Variants in COL5A2 observed in about 807,000 individuals in gnomAD.
COL5A2 encodes the protein collagen type V alpha 2 chain.
In COL5A2, 23 loss-of-function variants were observed where a neutral mutation model predicts 208.2. That is an observed-to-expected ratio of 0.11 (90% confidence interval 0.08 to 0.16). The LOEUF (loss-of-function observed/expected upper bound fraction) is 0.16. Among genes scored for constraint, COL5A2 ranks in the 10% least tolerant of loss-of-function variants. The probability of loss-of-function intolerance (pLI) is 1.00; values close to 1 mark genes in which losing one functional copy is unlikely to be tolerated. For missense variants in COL5A2, 1,590 were observed against 1,956.4 expected, an observed-to-expected ratio of 0.81 and a Z score of 3.53; for synonymous variants, 625 against 628.5, an observed-to-expected ratio of 0.99 and a Z score of 0.08.
In COL5A2 at chr2:189,034,008, G is replaced by A; in HGVS notation, c.*62C>T. The A allele has an allele frequency of 6.2e-7, 1 of 1,609,680 alleles. No homozygotes were observed. Among genetic ancestry groups the A allele is most frequent in the East Asian group, 2.2e-5 (1 of 44,842 alleles). On this transcript the variant is annotated 3_prime_UTR_variant, in exon 54 of 54. Coordinates refer to ENST00000374866, the MANE Select transcript of COL5A2 (RefSeq NM_000393.5). ...TCAGGATCAACTTCAAACAGTCAAAGTTCTTGTGAATGGCGGTGGTCATTG... is the reference window on the plus strand; with the variant it reads ...TCAGGATCAACTTCAAACAGTCAAAATTCTTGTGAATGGCGGTGGTCATTG...
upstream of COL5A2, among the ~76,000 whole-genome samples, chr2:189,181,432 A>G (rs557669575): frequency 6.6e-6 from 1 of 152,228 alleles, no homozygotes; most frequent in African/African-American, 2.4e-5. Context: ...TCTTTCTAGA[A>G]TATCTTAGAG....
intron 6 of COL5A2, 56 bp downstream of exon 6, chr2:189,097,221 A>T: frequency 6.5e-7 from 1 of 1,542,316 alleles, no homozygotes; most frequent in Non-Finnish European, 9.0e-7. Flanking sequence ...TTCAGAGAAC[A>T]CAGTGTAAAC....
At chr2:189,128,174 T>C (rs16831116) in intron 1 of COL5A2, among the ~76,000 whole-genome samples, 4,001 of 152,154 alleles carry the variant, frequency 0.026, 192 homozygotes, top group African/African-American at 0.092. Context: ...AAGCTAATTA[T>C]AAGGCACCTT....
chr2:189,120,098 G>A (rs974606102), intron 1 of COL5A2, among the ~76,000 whole-genome samples: 3 of 152,054 alleles, frequency 2.0e-5, no homozygotes, highest in Non-Finnish European at 4.4e-5. Flanking sequence ...TATTTATCTA[G>A]CAAATATAAT....
At chr2:189,270,738 T>C in the COL5A2 span, among the ~76,000 whole-genome samples, 1 of 152,164 alleles carries the variant, frequency 6.6e-6, no homozygotes, top group Non-Finnish European at 1.5e-5. Flanking sequence ...GCAGATGACA[T>C]GATTGTATAT....
At chr2:189,392,637 A>G in the COL5A2 span, among the ~76,000 whole-genome samples, 1 of 152,166 alleles carries the variant, frequency 6.6e-6, no homozygotes, top group African/African-American at 2.4e-5. Context: ...TAAAAAGCTT[A>G]GTCCCAGCCT....
the COL5A2 span, among the ~76,000 whole-genome samples, chr2:189,289,928 C>T: frequency 6.6e-5 from 10 of 152,116 alleles, no homozygotes; most frequent in South Asian, 2.1e-4. Flanking sequence ...ACAGATTCAA[C>T]GCAATCCCTA....
chr2:189,289,444 A>G, the COL5A2 span, among the ~76,000 whole-genome samples: 1 of 152,206 alleles, frequency 6.6e-6, no homozygotes, highest in Non-Finnish European at 1.5e-5. Context: ...AATTGTGAAA[A>G]GATGAAAGCT....
chr2:189,261,093 C>G, the COL5A2 span, among the ~76,000 whole-genome samples: 1 of 152,064 alleles, frequency 6.6e-6, no homozygotes, highest in Non-Finnish European at 1.5e-5. Context: ...TTCACCCAAA[C>G]TTTTCCATAA....
the COL5A2 span, among the ~76,000 whole-genome samples, chr2:189,276,860 A>C: frequency 6.6e-6 from 1 of 152,092 alleles, no homozygotes; most frequent in Non-Finnish European, 1.5e-5. Flanking sequence ...ATATTACTTA[A>C]ACTTCCTGCT....
Position 189,081,050 on chromosome 2 carries a change from G to T in COL5A2, c.853-7C>A. The T allele has an allele frequency of 6.2e-7, 1 of 1,612,566 alleles. No individual in the cohort carries two copies. The highest frequency in any genetic ancestry group is 8.5e-7 in the Non-Finnish European group (1 of 1,178,790). Reference sequence around the variant, plus strand: ...CAGGAAATCCACGAGCTCCCTGGGAGGAAAACATAGATAGGGCATTTTACA... The same window carrying T: ...CAGGAAATCCACGAGCTCCCTGGGATGAAAACATAGATAGGGCATTTTACA... On this transcript the variant is annotated splice_region_variant and splice_polypyrimidine_tract_variant and intron_variant, in intron 12 of 53. Transcript: ENST00000374866.
At chr2:189,374,324 G>A in the COL5A2 span, among the ~76,000 whole-genome samples, 1 of 150,038 alleles carries the variant, frequency 6.7e-6, no homozygotes, top group Admixed American at 6.6e-5. Context: ...TTTTTTGAGG[G>A]AGAAATATTC....
intron 1 of COL5A2, among the ~76,000 whole-genome samples, chr2:189,135,542 C>A (rs191142644): frequency 2.9e-4 from 44 of 152,284 alleles, no homozygotes; most frequent in African/African-American, 9.9e-4. Context: ...AAAGATAATA[C>A]TCCACATGGC....
chr2:189,356,725 C>A, the COL5A2 span, among the ~76,000 whole-genome samples: 2 of 152,192 alleles, frequency 1.3e-5, no homozygotes, highest in Non-Finnish European at 2.9e-5. Context: ...CCTTCTGAAG[C>A]CTACTTCTGT....
At chr2:189,230,947 G>A in the COL5A2 span, among the ~76,000 whole-genome samples, 1 of 151,672 alleles carries the variant, frequency 6.6e-6, no homozygotes, top group African/African-American at 2.4e-5. Flanking sequence ...CCTAATGAAT[G>A]GATCAAAAAA....
intron 12 of COL5A2, among the ~76,000 whole-genome samples, chr2:189,083,040 T>C (rs140116316): frequency 5.6e-4 from 86 of 152,252 alleles, no homozygotes; most frequent in Non-Finnish European, 1.1e-3. Flanking sequence ...TTGAACCTCA[T>C]CAATTTTCAG....
At chr2:189,132,761 A>C (rs1172279430) in intron 1 of COL5A2, among the ~76,000 whole-genome samples, 1 of 151,910 alleles carries the variant, frequency 6.6e-6, no homozygotes, top group Admixed American at 6.5e-5. Flanking sequence ...TCTCTACTAA[A>C]AATACAAAAA....
At chr2:189,062,939 T>A in intron 28 of COL5A2, 21 bp from the exon 29 acceptor site, 4 of 1,614,036 alleles carry the variant, frequency 2.5e-6, no homozygotes, top group Non-Finnish European at 3.4e-6. Context: ...ACACAGATAT[T>A]TGTGAGGTGA....
At chr2:189,092,954 A>C (rs1038088759) in intron 6 of COL5A2, among the ~76,000 whole-genome samples, 3 of 152,210 alleles carry the variant, frequency 2.0e-5, no homozygotes, top group Non-Finnish European at 4.4e-5. Context: ...CTAGACACTC[A>C]ATACATGCAT....
Sources: gnomAD v4.1 joint callset for allele counts (sites outside exome capture counted in the v4.1 genomes callset) on GRCh38, gnomAD v4.1.1 for gene constraint, MANE v1.5 for transcripts, NCBI Gene and HGNC (gene_info 2026-07-23, HGNC 2026-07-21) for gene names.